HAPLN1: variants seen among roughly 807,000 people sequenced by gnomAD.
The protein encoded by HAPLN1 is Cartilage link protein.
HAPLN1 carries 13 observed loss-of-function variants against 36.5 expected under a neutral mutation model. The observed-to-expected ratio is 0.36, with a 90% CI of 0.23 to 0.57. HAPLN1 has a LOEUF of 0.57. Ranked by LOEUF, HAPLN1 falls within the 20% of genes least tolerant of loss-of-function variation. The pLI, the probability that HAPLN1 is intolerant of heterozygous loss-of-function variation, is 0.83. For synonymous variants in HAPLN1, 202 were observed against 169.8 expected (o/e 1.19, Z -1.48); for missense variants, 407 against 439.7 (o/e 0.93, Z 0.66).
At chr5:83,711,507 T>C (rs1039602324) in intron 1 of HAPLN1, among the ~76,000 whole-genome samples, 3 of 152,040 alleles carry the variant, frequency 2.0e-5, no homozygotes, top group Non-Finnish European at 2.9e-5. Context: ...GCAAGCATGA[T>C]GGACAAGAAA....
At chr5:83,704,345 C>T (rs140085421) in intron 1 of HAPLN1, among the ~76,000 whole-genome samples, 75 of 152,224 alleles carry the variant, frequency 4.9e-4, no homozygotes, top group Non-Finnish European at 6.8e-4. Flanking sequence ...AGCAACCACA[C>T]AAACAAGTCA....
chr5:83,662,990 A>G (rs1293967983), intron 2 of HAPLN1, among the ~76,000 whole-genome samples: 1 of 152,238 alleles, frequency 6.6e-6, no homozygotes, highest in Non-Finnish European at 1.5e-5. Flanking sequence ...TCAACAGCCT[A>G]CAATGGGTCA....
intron 2 of HAPLN1, among the ~76,000 whole-genome samples, chr5:83,656,220 C>T (rs1027547042): frequency 6.8e-6 from 1 of 147,342 alleles, no homozygotes; most frequent in African/African-American, 2.5e-5. Context: ...CCCAGCTACT[C>T]GGGAGGCTGA....
Position 83,641,753 on chromosome 5 carries a change from G to C in HAPLN1, c.808C>G (p.Leu270Val). Reference protein sequence around the residue: ...RFYYLIHPTKLTYDEAVQACL... With the variant: ...RFYYLIHPTKVTYDEAVQACL... ...GCTTGCACCGCTTCATCATAGGTCAGTTTGGTGGGGTGGATCAGATAGTAA... is the reference window on the plus strand; with the variant it reads ...GCTTGCACCGCTTCATCATAGGTCACTTTGGTGGGGTGGATCAGATAGTAA... Residue 270 changes from leucine to valine, a missense_variant, in exon 5 of 5, where the codon CTG becomes GTG. Physicochemically the swap from Leu to Val is conservative, Grantham distance 32. Transcript: ENST00000274341. 6.2e-7 allele frequency: 1 copy of C among 1,614,048 alleles called. No individual in the cohort carries two copies. Among genetic ancestry groups the C allele is most frequent in the Non-Finnish European group, 8.5e-7 (1 of 1,179,970 alleles).
At chr5:83,656,642 T>C (rs1014858400) in intron 2 of HAPLN1, among the ~76,000 whole-genome samples, 4 of 152,092 alleles carry the variant, frequency 2.6e-5, no homozygotes, top group Admixed American at 2.6e-4. Context: ...TAAAGTGCAA[T>C]TTACAAGTAA....
chr5:83,641,070 A>G lies in HAPLN1; in HGVS notation c.*426T>C, dbSNP rs1483806786. 1 of 152,612 alleles carries G rather than the reference A, an allele frequency of 6.6e-6. No individual in the cohort carries two copies. Among genetic ancestry groups the G allele is most frequent in the Non-Finnish European group, 1.5e-5 (1 of 68,062 alleles). The allele number at this position is 152,612 out of a possible 1,614,324, so 9.5% of individuals were successfully genotyped here. ...GTTTATGTAAAGAAGCCTGTATTTC[A>G]AATGTGTTGCTCTAATTTGTTTATT... is the stretch of plus-strand genomic sequence containing the variant. On this transcript the variant is annotated 3_prime_UTR_variant, in exon 5 of 5. Coordinates refer to ENST00000274341, the MANE Select transcript of HAPLN1 (RefSeq NM_001884.4).
At chr5:83,669,733 CATA>C (rs146853032) in intron 2 of HAPLN1, among the ~76,000 whole-genome samples, 3,661 of 152,222 alleles carry the variant, frequency 0.024, 144 homozygotes, top group African/African-American at 0.082. Flanking sequence ...AAGCAATAAA[CATA>C]ATGATAACAA....
intron 2 of HAPLN1, among the ~76,000 whole-genome samples, chr5:83,672,863 G>GT (rs1220113857): frequency 6.6e-6 from 1 of 152,190 alleles, no homozygotes; most frequent in East Asian, 1.9e-4. Flanking sequence ...TTGTACTGCA[G>GT]CCTCAAATCC....
Position 83,640,667 on chromosome 5 carries a change from C to G in HAPLN1, c.*829G>C, listed in dbSNP as rs1749657613. On this transcript the variant is annotated 3_prime_UTR_variant, in exon 5 of 5. Coordinates refer to ENST00000274341, the MANE Select transcript of HAPLN1 (RefSeq NM_001884.4). ...TCTGTCCAGCAGTTTATCTATATAA[C>G]TGCCCTGAGTAGATGCTAAATGCTG... is the stretch of plus-strand genomic sequence containing the variant. The G allele has an allele frequency of 6.6e-6, 1 of 152,134 alleles. No homozygotes were observed. Among genetic ancestry groups the G allele is most frequent in the African/African-American group, 2.4e-5 (1 of 41,436 alleles). 9.4% of individuals were successfully genotyped at this position (152,134 alleles called of 1,614,324 possible). A position where few individuals can be genotyped will look rare whatever the true frequency, so the allele number is the denominator to read the frequency against.
chr5:83,646,867 TATTTGATTTATTCAGTAGAG>T (rs1749892334), intron 3 of HAPLN1, among the ~76,000 whole-genome samples: 1 of 152,290 alleles, frequency 6.6e-6, no homozygotes, highest in East Asian at 1.9e-4. Flanking sequence ...AAAAGGAAAA[TATTTGATTTATTCAGTAGAG>T]ATTCCTTTTA....
At position 83,666,236 on chromosome 5, in the gene HAPLN1, T is replaced by A. The variant is rs1750547633; in HGVS notation, c.100+7188A>T. On this transcript the variant is annotated intron_variant, in intron 2 of 4. Transcript: ENST00000274341. Reference sequence around the variant, plus strand: ...TCAATAAAGAAATCTAAAGCTATTATTTCTTGATATTTGGTAAAATCAGAG... The same window carrying A: ...TCAATAAAGAAATCTAAAGCTATTAATTCTTGATATTTGGTAAAATCAGAG... Among the ~76,000 whole-genome samples, 3 of 152,254 alleles carry A rather than the reference T, an allele frequency of 2.0e-5. No homozygotes were observed. The East Asian group carries it at 5.8e-4, about 29-fold the overall frequency.
chr5:83,674,763 C>T (rs1254949112), intron 1 of HAPLN1: 2 of 152,276 alleles, frequency 1.3e-5, no homozygotes, highest in South Asian at 2.1e-4. Context: ...TGAGTCTGTT[C>T]CTGGAGGTCC....
intron 1 of HAPLN1, among the ~76,000 whole-genome samples, chr5:83,694,531 A>G (rs1751348671): frequency 2.6e-5 from 4 of 152,024 alleles, no homozygotes; most frequent in African/African-American, 7.2e-5. Context: ...AATATAAAAG[A>G]TATGAATTAT....
At chr5:83,657,500 TC>T (rs1230005086) in intron 2 of HAPLN1, among the ~76,000 whole-genome samples, 1 of 152,156 alleles carries the variant, frequency 6.6e-6, no homozygotes, top group African/African-American at 2.4e-5. Context: ...TTGGGAGCCC[TC>T]CTGGAGAAAG....
At chr5:83,674,866 C>T (rs1302205829) in intron 1 of HAPLN1, 2 of 152,140 alleles carry the variant, frequency 1.3e-5, no homozygotes, top group Non-Finnish European at 2.9e-5. Context: ...CTGTATTTTC[C>T]CCTGTGAAGA....
Position 83,652,709 on chromosome 5 carries a change from T to C in HAPLN1, c.216A>G (p.Ser72=), listed in dbSNP as rs199764569. 6.2e-7 allele frequency: 1 copy of C among 1,614,064 alleles called. No individual in the cohort carries two copies. The highest frequency in any genetic ancestry group is 1.7e-5 in the Admixed American group (1 of 60,010). ...ACTTAATTCGGATTTTATGGATTCC[T>C]GAGCCAAATGCTGTAGGGTCTCGAT... is the stretch of plus-strand genomic sequence containing the variant. The part of the protein sequence containing the change: ...KFYRDPTAFG[S]GIHKIRIKWT... The change falls in exon 3 of 5, where the codon TCA becomes TCG. Residue 72 remains serine, a synonymous_variant. Coordinates refer to ENST00000274341, the MANE Select transcript of HAPLN1 (RefSeq NM_001884.4).
intron 1 of HAPLN1, among the ~76,000 whole-genome samples, chr5:83,690,750 C>T (rs1751249802): frequency 6.6e-6 from 1 of 151,916 alleles, no homozygotes; most frequent in Admixed American, 6.6e-5. Flanking sequence ...TTGTTAAAGA[C>T]ATTGAAAACT....
At chr5:83,688,780 G>A (rs964104149) in intron 1 of HAPLN1, among the ~76,000 whole-genome samples, 2 of 150,542 alleles carry the variant, frequency 1.3e-5, no homozygotes, top group Non-Finnish European at 2.9e-5. Context: ...TCAGGGAAAC[G>A]GTGGACAGAA....
chr5:83,675,069 C>T (rs558216844), intron 1 of HAPLN1, among the ~76,000 whole-genome samples: 1 of 152,264 alleles, frequency 6.6e-6, no homozygotes, highest in African/African-American at 2.4e-5. Context: ...AGTTCACTTC[C>T]TTGTTCCTCT....
Sources: allele counts gnomAD v4.1 joint callset (sites outside exome capture counted in the v4.1 genomes callset), GRCh38; gene constraint gnomAD v4.1.1; transcripts MANE v1.5; gene names NCBI Gene and HGNC (gene_info 2026-07-23, HGNC 2026-07-21).